SPNS3: variants seen among roughly 807,000 people sequenced by gnomAD.
SPNS3 encodes the protein SPNS lysolipid transporter 3, sphingosine-1-phosphate (putative), also known as protein spinster homolog 3.
SPNS3 carries 51 observed loss-of-function variants against 54.4 expected under a neutral mutation model. That is an observed-to-expected ratio of 0.94 (90% CI 0.75 to 1.18). SPNS3 has a LOEUF of 1.18. SPNS3 is among the 50% of genes most tolerant of loss of function. SPNS3 has a pLI of 0.00. For synonymous variants in SPNS3, 309 were observed against 294.7 expected (o/e 1.05, Z -0.50); for missense variants, 669 against 677.4 (o/e 0.99, Z 0.14).
intron 8 of SPNS3, among the ~76,000 whole-genome samples, chr17:4,457,314 C>T (rs1299463606): frequency 6.6e-6 from 1 of 152,180 alleles, no homozygotes; most frequent in Non-Finnish European, 1.5e-5. Context: ...ATTGTTTGAG[C>T]CCCAGTGATA....
At chr17:4,444,394 T>C (rs1173136406) in intron 2 of SPNS3, among the ~76,000 whole-genome samples, 1 of 151,844 alleles carries the variant, frequency 6.6e-6, no homozygotes, top group Non-Finnish European at 1.5e-5. Context: ...TTTTTGTATT[T>C]TTTTTTTTAG....
intron 8 of SPNS3, among the ~76,000 whole-genome samples, chr17:4,469,515 A>C (rs1004025777): frequency 6.6e-6 from 1 of 151,884 alleles, no homozygotes; most frequent in African/African-American, 2.4e-5. Flanking sequence ...GTTCCTTAGG[A>C]AGCTGAGGCA....
chr17:4,447,889 C>G (rs1449204922), intron 5 of SPNS3, among the ~76,000 whole-genome samples: 1 of 152,158 alleles, frequency 6.6e-6, no homozygotes, highest in African/African-American at 2.4e-5. Flanking sequence ...CCTCAAAAGA[C>G]TGGTGTCTGT....
At chr17:4,479,075 A>T (rs1352678492) in intron 9 of SPNS3, among the ~76,000 whole-genome samples, 4 of 152,108 alleles carry the variant, frequency 2.6e-5, no homozygotes, top group Non-Finnish European at 5.9e-5. Flanking sequence ...CCCAAGTAGC[A>T]GAGACTACAG....
intron 3 of SPNS3, 86 bp from the exon 4 acceptor site, chr17:4,445,962 C>G: frequency 6.7e-7 from 1 of 1,485,548 alleles, no homozygotes; most frequent in Non-Finnish European, 9.1e-7. Flanking sequence ...TCATGAGGTC[C>G]CCTTGGCTCC....
chr17:4,465,383 A>AT (rs139063302), intron 8 of SPNS3, among the ~76,000 whole-genome samples: 15,267 of 147,776 alleles, frequency 0.1, 836 homozygotes, highest in Middle Eastern at 0.14. Context: ...TCTGCATTCT[A>AT]TTTTTTTTTT....
At chr17:4,471,933 T>C (rs563852951) in intron 8 of SPNS3, among the ~76,000 whole-genome samples, 116 of 152,058 alleles carry the variant, frequency 7.6e-4, no homozygotes, top group African/African-American at 2.6e-3. Context: ...ATCTCAGCTC[T>C]CTGCAACCTC....
intron 2 of SPNS3, among the ~76,000 whole-genome samples, chr17:4,444,381 A>AT: frequency 6.6e-6 from 1 of 151,324 alleles, no homozygotes; most frequent in African/African-American, 2.4e-5. Flanking sequence ...CACCTGGCTA[A>AT]TTTTTTTGTA....
intron 8 of SPNS3, among the ~76,000 whole-genome samples, chr17:4,474,946 G>A (rs571063913): frequency 6.6e-5 from 10 of 152,280 alleles, no homozygotes; most frequent in East Asian, 5.8e-4. Flanking sequence ...GTGGGTGTCC[G>A]TGTGTGGGTC....
intron 1 of SPNS3, among the ~76,000 whole-genome samples, chr17:4,436,870 C>T (rs948021801): frequency 2.4e-4 from 37 of 152,150 alleles, no homozygotes; most frequent in Admixed American, 2.0e-3. Flanking sequence ...CACGCAAAGG[C>T]GAGAAGGGGC....
intron 6 of SPNS3, among the ~76,000 whole-genome samples, 183 bp from the exon 7 acceptor site, chr17:4,449,052 T>G (rs981597081): frequency 3.3e-5 from 5 of 152,124 alleles, no homozygotes; most frequent in African/African-American, 1.2e-4. Context: ...CCTGAGTGTC[T>G]TCTTCTTCGG....
intron 1 of SPNS3, among the ~76,000 whole-genome samples, chr17:4,436,408 CAT>C (rs1970719509): frequency 6.6e-6 from 1 of 152,086 alleles, no homozygotes. Context: ...GCCTGGGTAA[CAT>C]AGAAAAACCT....
chr17:4,442,164 G>C (rs551372796), intron 2 of SPNS3, among the ~76,000 whole-genome samples: 1 of 152,220 alleles, frequency 6.6e-6, no homozygotes, highest in South Asian at 2.1e-4. Context: ...CCGTGCTATG[G>C]CCCTAGACCC....
intron 6 of SPNS3, 117 bp from the exon 7 acceptor site, chr17:4,449,118 T>C (rs1971084595): frequency 6.7e-6 from 8 of 1,199,992 alleles, no homozygotes. Flanking sequence ...TATGGAATCT[T>C]GAAGGTAATG....
At chr17:4,468,721 T>TTTTCTTTTCTTTCTTTCTTTCTTTC (rs1555531860) in intron 8 of SPNS3, among the ~76,000 whole-genome samples, 3 of 121,372 alleles carry the variant, frequency 2.5e-5, no homozygotes, top group Admixed American at 1.8e-4. Context: ...TCTCTCTTTC[T>TTTTCTTTTCTTTCTTTCTTTCTTTC]TTTCTTTCTT....
Position 4,464,080 on chromosome 17 carries a change from G to A in SPNS3, c.1113+10875G>A, listed in dbSNP as rs114602570. Reference sequence around the variant, plus strand: ...CTGTTCCCAGATTTCCTGAAGTAGGGGCCAAATCATGCTGCTTGTTTCATG... The same window carrying A: ...CTGTTCCCAGATTTCCTGAAGTAGGAGCCAAATCATGCTGCTTGTTTCATG... On this transcript the variant is annotated intron_variant, in intron 8 of 11. Transcript: ENST00000355530. Among the ~76,000 whole-genome samples the A allele has an allele frequency of 3.0e-3, 450 of 152,280 alleles. 2 individuals are homozygous for A. The highest frequency in any genetic ancestry group is 0.01 in the African/African-American group (433 of 41,562).
chr17:4,450,760 C>T (rs113628081), intron 7 of SPNS3, among the ~76,000 whole-genome samples: 2,433 of 82,060 alleles, frequency 0.03, 33 homozygotes, highest in Non-Finnish European at 0.048. Flanking sequence ...CCATGCCCAG[C>T]TATTTTTTTT....
intron 5 of SPNS3, among the ~76,000 whole-genome samples, chr17:4,447,283 G>A (rs1971023619): frequency 1.3e-5 from 2 of 152,230 alleles, no homozygotes; most frequent in African/African-American, 4.8e-5. Flanking sequence ...TTGAGGATCA[G>A]TGAGATGAGA....
At chr17:4,459,684 G>T (rs1220116946) in intron 8 of SPNS3, among the ~76,000 whole-genome samples, 11 of 152,150 alleles carry the variant, frequency 7.2e-5, no homozygotes, top group Admixed American at 7.2e-4. Context: ...TTGCACTCCA[G>T]CCTGGGCGAC....
Sources: gnomAD v4.1 joint callset for allele counts (sites outside exome capture counted in the v4.1 genomes callset) on GRCh38, gnomAD v4.1.1 for gene constraint, MANE v1.5 for transcripts, NCBI Gene and HGNC (gene_info 2026-07-23, HGNC 2026-07-21) for gene names.